Variants in STXBP5L observed in about 807,000 individuals in gnomAD.
STXBP5L encodes syntaxin-binding protein 5-like.
In STXBP5L, 65 loss-of-function variants were observed where a neutral mutation model predicts 144.5. The observed-to-expected ratio is 0.45, with a 90% CI of 0.37 to 0.55. The LOEUF is 0.55. STXBP5L is among the 20% of genes least tolerant of loss of function. The pLI, the probability that STXBP5L is intolerant of heterozygous loss-of-function variation, is 0.00. For missense variants in STXBP5L, 1,298 were observed against 1,405.5 expected (o/e 0.92, Z 1.22); for synonymous variants, 505 against 469.6 (o/e 1.08, Z -0.97).
At chr3:120,951,626 A>G (rs1711235271) in intron 2 of STXBP5L, among the ~76,000 whole-genome samples, 1 of 152,188 alleles carries the variant, frequency 6.6e-6, no homozygotes, top group Admixed American at 6.6e-5. Context: ...CACCAGTTAG[A>G]ATGGCAATCA....
intron 20 of STXBP5L, among the ~76,000 whole-genome samples, chr3:121,332,745 C>G (rs1170135141): frequency 1.3e-5 from 2 of 151,966 alleles, no homozygotes; most frequent in Admixed American, 6.6e-5. Flanking sequence ...GAGATTTAAA[C>G]ATTCAAGTAC....
chr3:121,382,161 A>G (rs969860551), intron 22 of STXBP5L, among the ~76,000 whole-genome samples: 4 of 151,888 alleles, frequency 2.6e-5, no homozygotes, highest in Admixed American at 6.6e-5. Context: ...ATTTGTTCTT[A>G]TCACTAATTT....
intron 3 of STXBP5L, among the ~76,000 whole-genome samples, chr3:121,013,571 C>T (rs1944935033): frequency 6.6e-6 from 1 of 151,606 alleles, no homozygotes; most frequent in South Asian, 2.1e-4. Flanking sequence ...GGTATTAGTC[C>T]TTTGTTGGAT....
intron 11 of STXBP5L, among the ~76,000 whole-genome samples, chr3:121,232,411 G>A (rs2049338215): frequency 6.6e-6 from 1 of 151,868 alleles, no homozygotes; most frequent in Non-Finnish European, 1.5e-5. Flanking sequence ...ATAAAAAAGA[G>A]GAAAAAAAAT....
chr3:121,045,660 G>T, intron 5 of STXBP5L, 125 bp downstream of exon 5: 1 of 846,364 alleles, frequency 1.2e-6, no homozygotes, highest in South Asian at 1.8e-5. Flanking sequence ...TAATGTTTAT[G>T]CTTACTTTCA....
chr3:121,006,310 C>T (rs1052349994), intron 3 of STXBP5L, among the ~76,000 whole-genome samples: 45 of 152,170 alleles, frequency 3.0e-4, no homozygotes, highest in African/African-American at 1.0e-3. Flanking sequence ...TATGTAATGG[C>T]CTTCTTTGTC....
intron 3 of STXBP5L, among the ~76,000 whole-genome samples, chr3:120,996,882 G>A (rs1943391904): frequency 6.6e-6 from 1 of 152,060 alleles, no homozygotes; most frequent in South Asian, 2.1e-4. Flanking sequence ...TGGGGATTTG[G>A]TCTACAGATT....
At chr3:121,259,615 T>C (rs2050321712) in intron 18 of STXBP5L, among the ~76,000 whole-genome samples, 1 of 152,148 alleles carries the variant, frequency 6.6e-6, no homozygotes, top group Non-Finnish European at 1.5e-5. Flanking sequence ...AAACATCCTG[T>C]TCTCTTCCTA....
chr3:121,013,437 G>A (rs1410651391), intron 3 of STXBP5L, among the ~76,000 whole-genome samples: 2 of 151,954 alleles, frequency 1.3e-5, no homozygotes, highest in African/African-American at 4.8e-5. Flanking sequence ...GCATCTTTCT[G>A]ATGATTAGTG....
chr3:120,996,294 A>G (rs914881859), intron 3 of STXBP5L, among the ~76,000 whole-genome samples: 2 of 151,968 alleles, frequency 1.3e-5, no homozygotes, highest in African/African-American at 2.4e-5. Context: ...TACATTTTCA[A>G]TAAAATTGGG....
chr3:121,358,926 A>G (rs990982825), intron 20 of STXBP5L, among the ~76,000 whole-genome samples: 1 of 152,196 alleles, frequency 6.6e-6, no homozygotes, highest in African/African-American at 2.4e-5. Flanking sequence ...AATATAGGAT[A>G]GTAGATGTCT....
chr3:121,126,281 T>G (rs1252542454), intron 7 of STXBP5L, among the ~76,000 whole-genome samples: 2 of 152,210 alleles, frequency 1.3e-5, no homozygotes, highest in African/African-American at 4.8e-5. Flanking sequence ...CATTAACATA[T>G]GTCTGTGGCT....
chr3:121,011,633 A>G (rs550426050), intron 3 of STXBP5L, among the ~76,000 whole-genome samples: 2 of 151,852 alleles, frequency 1.3e-5, no homozygotes, highest in African/African-American at 4.8e-5. Flanking sequence ...TCCAAAATGA[A>G]CAGATGTTAC....
At chr3:120,992,506 A>T (rs532919161) in intron 3 of STXBP5L, among the ~76,000 whole-genome samples, 1 of 152,090 alleles carries the variant, frequency 6.6e-6, no homozygotes, top group Non-Finnish European at 1.5e-5. Flanking sequence ...TACCTTCATG[A>T]GATCAATTTT....
chr3:121,301,907 T>C (rs527613213), intron 19 of STXBP5L, among the ~76,000 whole-genome samples: 3 of 152,354 alleles, frequency 2.0e-5, no homozygotes, highest in African/African-American at 7.2e-5. Context: ...CACTTGACTA[T>C]GGTGGATAAG....
chr3:121,313,783 G>A (rs1331212058), intron 19 of STXBP5L, among the ~76,000 whole-genome samples: 35 of 141,598 alleles, frequency 2.5e-4, no homozygotes, highest in Admixed American at 4.1e-4. Context: ...GGGCGGAGAC[G>A]CTCCTCACTT....
chr3:121,303,494 G>A (rs1017211042), intron 19 of STXBP5L, among the ~76,000 whole-genome samples: 42 of 152,282 alleles, frequency 2.8e-4, no homozygotes, highest in African/African-American at 9.9e-4. Context: ...TCTAGAACTA[G>A]AAATACCATT....
At position 121,263,452 on chromosome 3, in the gene STXBP5L, A is replaced by G. The variant is rs142574632; in HGVS notation, c.1958+4284A>G. ...CAATTCCTCACCAGCAAGGGAACAA[A>G]ACTGAATGGAGAATGAGTTTGACGA... On this transcript the variant is annotated intron_variant, in intron 18 of 26. Transcript: ENST00000471454. Among the ~76,000 whole-genome samples, 401 of 152,240 alleles carry G rather than the reference A, an allele frequency of 2.6e-3. 1 individual carries two copies. Among genetic ancestry groups the G allele is most frequent in the Admixed American group, 4.7e-3 (72 of 15,292 alleles).
chr3:120,972,439 A>C (rs1384843720), intron 3 of STXBP5L, among the ~76,000 whole-genome samples: 2 of 152,106 alleles, frequency 1.3e-5, no homozygotes, highest in Non-Finnish European at 2.9e-5. Context: ...AACTTTACTG[A>C]ATTCATCTAT....
Sources: allele counts gnomAD v4.1 joint callset (sites outside exome capture counted in the v4.1 genomes callset), GRCh38; gene constraint gnomAD v4.1.1; transcripts MANE v1.5; gene names NCBI Gene and HGNC (gene_info 2026-07-23, HGNC 2026-07-21).